SCIMP: variants seen among roughly 807,000 people sequenced by gnomAD.
SCIMP encodes the protein SLP adaptor and CSK interacting membrane protein, also known as SLP adapter and CSK-interacting membrane protein.
SCIMP carries 18 observed loss-of-function variants against 22.0 expected under a neutral mutation model. The observed-to-expected ratio is 0.82, with a 90% CI of 0.56 to 1.21. SCIMP has a LOEUF of 1.21. SCIMP is among the 50% of genes most tolerant of loss of function. The pLI, the probability that SCIMP is intolerant of heterozygous loss-of-function variation, is 0.00. For missense variants in SCIMP, 155 were observed against 171.2 expected, an observed-to-expected ratio of 0.91 and a Z score of 0.53; for synonymous variants, 53 against 62.2, an observed-to-expected ratio of 0.85 and a Z score of 0.70.
At chr17:5,221,921 TG>T (rs2074610975) in intron 2 of SCIMP, among the ~76,000 whole-genome samples, 1 of 151,868 alleles carries the variant, frequency 6.6e-6, no homozygotes, top group Non-Finnish European at 1.5e-5. Flanking sequence ...TACAGGTGCC[TG>T]CCACCACACC....
intron 4 of SCIMP, chr17:5,213,026 T>TTTTTTTTTTTTTTTTTTTTTTTTTTTTG (rs1555612865): frequency 1.0e-5 from 6 of 596,598 alleles, no homozygotes; most frequent in South Asian, 7.1e-5. Context: ...TGGTAACTTC[T>TTTTTTTTTTTTTTTTTTTTTTTTTTTTG]GAGCTGACAT....
In SCIMP at chr17:5,214,933, T is replaced by C. The variant is rs757225582; in HGVS notation, c.275A>G (p.Glu92Gly). Reference sequence around the variant, plus strand: ...CAGTAAAATATACTTACAAGAGTCTTCTAGAGAAGGCCAATTCCTCGGTGG... The same window carrying C: ...CAGTAAAATATACTTACAAGAGTCTCCTAGAGAAGGCCAATTCCTCGGTGG... ...PLPPRNWPSL[E>G]DSSPQEAPSQ... is the part of the protein sequence containing the mutation. Residue 92 changes from glutamate to glycine, a missense_variant, in exon 4 of 5, where the codon GAA (glutamate) becomes GGA (glycine). Transcript: ENST00000574081. The C allele has an allele frequency of 1.9e-6, 3 of 1,595,964 alleles. No homozygotes were observed. The highest frequency in any genetic ancestry group is 2.7e-5 in the African/African-American group (2 of 74,308).
chr17:5,229,455 G>A (rs1394469488), intron 1 of SCIMP, among the ~76,000 whole-genome samples: 4 of 139,986 alleles, frequency 2.9e-5, no homozygotes, highest in African/African-American at 8.0e-5. Flanking sequence ...GTGCAGTGGC[G>A]CGACCTTGGC....
intron 3 of SCIMP, 165 bp from the exon 4 acceptor site, chr17:5,215,163 G>A (rs925157810): frequency 1.3e-5 from 7 of 559,408 alleles, no homozygotes; most frequent in Non-Finnish European, 2.3e-5. Context: ...GTTCCCATTT[G>A]TAATTGGCAC....
intron 3 of SCIMP, among the ~76,000 whole-genome samples, chr17:5,216,092 A>G (rs2074563750): frequency 6.6e-6 from 1 of 152,098 alleles, no homozygotes. Context: ...AGTCCCAGCT[A>G]CTCAGGAGAC....
intron 4 of SCIMP, chr17:5,213,173 C>A (rs1480296024): frequency 1.0e-6 from 1 of 984,768 alleles, no homozygotes; most frequent in African/African-American, 1.8e-5. Context: ...ATGTTCCAAG[C>A]TGGGATTTGA....
intron 3 of SCIMP, among the ~76,000 whole-genome samples, chr17:5,219,231 A>G (rs2074587734): frequency 6.6e-6 from 1 of 152,146 alleles, no homozygotes; most frequent in South Asian, 2.1e-4. Context: ...AGGCAGGAGA[A>G]TCACTTGAAC....
intron 1 of SCIMP, among the ~76,000 whole-genome samples, chr17:5,227,822 A>G (rs544728597): frequency 4.3e-4 from 65 of 152,080 alleles, no homozygotes; most frequent in African/African-American, 1.5e-3. Flanking sequence ...CTCCTTGCCT[A>G]CCGCATCCCA....
At chr17:5,215,044 G>T (rs1327823401) in intron 3 of SCIMP, 46 bp from the exon 4 acceptor site, 4 of 1,204,546 alleles carry the variant, frequency 3.3e-6, no homozygotes, top group Non-Finnish European at 4.9e-6. Flanking sequence ...TTTGGGCCAT[G>T]CCTGCTCCCA....
In SCIMP at chr17:5,209,051, TC is replaced by T. The variant is rs1239439337; in HGVS notation, c.*1749del. On this transcript the variant is annotated 3_prime_UTR_variant, in exon 5 of 5. Coordinates refer to ENST00000574081, the MANE Select transcript of SCIMP (RefSeq NM_207103.3). Reference sequence around the variant, plus strand: ...TTGTTCTATAATTTGGGAAGAGTCCTCTCTTTGGCTGGTGGGATACCAGAGT... The same window carrying T: ...TTGTTCTATAATTTGGGAAGAGTCCTTCTTTGGCTGGTGGGATACCAGAGT... 1.3e-5 allele frequency: 2 copies of T among 152,224 alleles called. No individual in the cohort carries two copies. The highest frequency in any genetic ancestry group is 2.9e-5 in the Non-Finnish European group (2 of 68,042). 9.4% of individuals were successfully genotyped at this position (152,224 alleles called of 1,614,324 possible).
At chr17:5,229,651 C>A (rs1014446194) in intron 1 of SCIMP, among the ~76,000 whole-genome samples, 1 of 152,106 alleles carries the variant, frequency 6.6e-6, no homozygotes, top group Non-Finnish European at 1.5e-5. Context: ...CCGCCTTGGC[C>A]TCCCAAAGTG....
At position 5,223,315 on chromosome 17, in the gene SCIMP, A is replaced by G. The variant is rs1263705609; in HGVS notation, c.145+18T>C. On this transcript the variant is annotated intron_variant, in intron 2 of 4. Coordinates refer to ENST00000574081, the MANE Select transcript of SCIMP (RefSeq NM_207103.3). The stretch of plus-strand genomic sequence containing the variant: ...ACCTGGCTCCTCCCTCCACCTGCCT[A>G]GGTAAAATGGCCATTACCTCGTCTA... 6.2e-7 allele frequency: 1 copy of G among 1,612,872 alleles called. No individual in the cohort carries two copies.
At chr17:5,220,337 T>G (rs2074596578) in intron 3 of SCIMP, among the ~76,000 whole-genome samples, 1 of 151,198 alleles carries the variant, frequency 6.6e-6, no homozygotes, top group Admixed American at 6.6e-5. Flanking sequence ...TCCCGGCTAC[T>G]TGGGAAGTTA....
intron 3 of SCIMP, chr17:5,215,288 G>A (rs1412700688): frequency 2.0e-5 from 6 of 303,226 alleles, no homozygotes; most frequent in Admixed American, 4.7e-5. Flanking sequence ...AGCTGGATTC[G>A]GAGAGGTAGG....
At chr17:5,229,750 T>G (rs1301212991) in intron 1 of SCIMP, among the ~76,000 whole-genome samples, 2 of 151,952 alleles carry the variant, frequency 1.3e-5, no homozygotes, top group Non-Finnish European at 2.9e-5. Context: ...TACGTTGTGA[T>G]AGTTATTCAC....
chr17:5,217,380 TTGTG>T (rs10554192), intron 3 of SCIMP, among the ~76,000 whole-genome samples: 234 of 148,860 alleles, frequency 1.6e-3, no homozygotes, highest in Middle Eastern at 3.4e-3. Flanking sequence ...TTTTGTTTGC[TTGTG>T]TGTGTGTGTG....
chr17:5,212,697 A>C (rs1002492623), intron 4 of SCIMP, among the ~76,000 whole-genome samples: 2 of 152,230 alleles, frequency 1.3e-5, no homozygotes, highest in Admixed American at 1.3e-4. Context: ...ATGAGCTAAT[A>C]CCTGTAAAGT....
intron 1 of SCIMP, among the ~76,000 whole-genome samples, chr17:5,231,502 C>G (rs748694425): frequency 5.3e-5 from 8 of 152,128 alleles, no homozygotes. Flanking sequence ...GTCAGAGCGC[C>G]AAAAACTCCA....
chr17:5,219,309 ACT>A lies in SCIMP; in HGVS notation c.209+1976_209+1977del, dbSNP rs569105476. Among the ~76,000 whole-genome samples the A allele has an allele frequency of 7.6e-4, 112 of 147,334 alleles. 1 individual carries two copies. The highest frequency in any genetic ancestry group is 2.7e-3 in the African/African-American group (107 of 39,544). On this transcript the variant is annotated intron_variant, in intron 3 of 4. Transcript: ENST00000574081. ...ACTCCAGCCTGGGTGACAGAGCGAG[ACT>A]CTGTCTCAACAACAACAAAAAAAGT...
Sources: gnomAD v4.1 joint callset for allele counts (sites outside exome capture counted in the v4.1 genomes callset) on GRCh38, gnomAD v4.1.1 for gene constraint, MANE v1.5 for transcripts, NCBI Gene and HGNC (gene_info 2026-07-23, HGNC 2026-07-21) for gene names.